MECOM: variants seen among roughly 807,000 people sequenced by gnomAD.
MECOM encodes MDS1 and EVI1 complex locus.
MECOM carries 13 observed loss-of-function variants against 116.3 expected under a neutral mutation model. That is an observed-to-expected ratio of 0.11 (90% CI 0.07 to 0.18). The LOEUF (loss-of-function observed/expected upper bound fraction) is 0.18, where lower values mean the gene tolerates loss of function less well. Ranked by LOEUF, MECOM falls within the 10% of genes least tolerant of loss-of-function variation. MECOM has a pLI of 1.00. For missense variants in MECOM, 1,299 were observed against 1,509.0 expected, an observed-to-expected ratio of 0.86 and a Z score of 2.31; for synonymous variants, 528 against 535.2, an observed-to-expected ratio of 0.99 and a Z score of 0.19.
chr3:169,322,379 C>A (rs543183759), intron 2 of MECOM, among the ~76,000 whole-genome samples: 48 of 152,232 alleles, frequency 3.2e-4, no homozygotes, highest in Non-Finnish European at 5.9e-4. Context: ...CACAAAGAGG[C>A]TCTAGGGCTT....
intron 1 of MECOM, among the ~76,000 whole-genome samples, chr3:169,527,034 C>T (rs1758042544): frequency 6.6e-6 from 1 of 152,184 alleles, no homozygotes; most frequent in Non-Finnish European, 1.5e-5. Context: ...CTAATGTGAG[C>T]TGTTAAGAAT....
chr3:169,163,406 C>T (rs1743129699), intron 2 of MECOM, among the ~76,000 whole-genome samples: 1 of 151,892 alleles, frequency 6.6e-6, no homozygotes, highest in Non-Finnish European at 1.5e-5. Flanking sequence ...CCTGGGTGAC[C>T]AATTAGCAAG....
intron 2 of MECOM, among the ~76,000 whole-genome samples, chr3:169,178,805 T>C (rs958630013): frequency 2.0e-5 from 3 of 152,234 alleles, no homozygotes; most frequent in Non-Finnish European, 4.4e-5. Context: ...CTCATAACTC[T>C]AAAGACTACA....
At chr3:169,491,063 G>A (rs1578251476) in intron 1 of MECOM, among the ~76,000 whole-genome samples, 1 of 152,024 alleles carries the variant, frequency 6.6e-6, no homozygotes, top group East Asian at 1.9e-4. Flanking sequence ...TCCTTACGTT[G>A]CCCAAACCAG....
At chr3:169,353,699 G>A (rs1257585141) in intron 2 of MECOM, among the ~76,000 whole-genome samples, 1 of 151,804 alleles carries the variant, frequency 6.6e-6, no homozygotes, top group Non-Finnish European at 1.5e-5. Context: ...TAATCATGAA[G>A]ATAACCTTAT....
intron 1 of MECOM, among the ~76,000 whole-genome samples, chr3:169,650,916 C>T (rs1320588719): frequency 6.6e-6 from 1 of 151,992 alleles, no homozygotes; most frequent in African/African-American, 2.4e-5. Flanking sequence ...GATCTTCTGC[C>T]TTTAAAAAGA....
chr3:169,325,286 G>C (rs1390960741), intron 2 of MECOM, among the ~76,000 whole-genome samples: 1 of 152,094 alleles, frequency 6.6e-6, no homozygotes, highest in African/African-American at 2.4e-5. Context: ...TTGGCTGGTG[G>C]GTTACTATTC....
intron 2 of MECOM, among the ~76,000 whole-genome samples, chr3:169,210,011 T>G (rs1750504317): frequency 6.6e-6 from 1 of 152,180 alleles, no homozygotes; most frequent in South Asian, 2.1e-4. Flanking sequence ...CACCATGGAA[T>G]GCTATGCAGC....
At chr3:169,189,967 T>C (rs1326469612) in intron 2 of MECOM, among the ~76,000 whole-genome samples, 1 of 151,868 alleles carries the variant, frequency 6.6e-6, no homozygotes, top group Non-Finnish European at 1.5e-5. Flanking sequence ...GTTTATGATA[T>C]CTGAACTCAT....
At chr3:169,623,508 AT>A (rs1186883839) in intron 1 of MECOM, among the ~76,000 whole-genome samples, 1 of 152,206 alleles carries the variant, frequency 6.6e-6, no homozygotes, top group East Asian at 1.9e-4. Context: ...ATATAGATTA[AT>A]GTTTGAAATA....
chr3:169,519,453 T>G (rs1757094302), intron 1 of MECOM, among the ~76,000 whole-genome samples: 1 of 152,230 alleles, frequency 6.6e-6, no homozygotes, highest in Non-Finnish European at 1.5e-5. Flanking sequence ...TGAACAGCTA[T>G]GTATAGTCAC....
intron 1 of MECOM, among the ~76,000 whole-genome samples, chr3:169,562,804 G>T (rs984660275): frequency 1.3e-5 from 2 of 152,168 alleles, no homozygotes; most frequent in African/African-American, 4.8e-5. Flanking sequence ...GCTCATGCCT[G>T]TAATCCCAGC....
In MECOM at chr3:169,276,220, C is replaced by A. The variant is rs1759549543; in HGVS notation, c.375+104967G>T. ...CCTTACATTTATTTTTAAAAATAAT[C>A]TTAACACACAAGTAATACGAGACTA... On this transcript the variant is annotated intron_variant, in intron 2 of 16. Coordinates refer to ENST00000651503, the MANE Select transcript of MECOM (RefSeq NM_004991.4). 2.0e-5 allele frequency among the ~76,000 whole-genome samples: 3 copies of A among 152,096 alleles called. No homozygotes were observed. The South Asian group carries it at 6.2e-4, about 32-fold the overall frequency.
Position 169,116,299 on chromosome 3 carries a change from G to C in MECOM, c.1573C>G (p.Gln525Glu). The C allele has an allele frequency of 1.2e-6, 2 of 1,614,224 alleles. No homozygotes were observed. The highest frequency in any genetic ancestry group is 1.7e-6 in the Non-Finnish European group (2 of 1,180,042). Reference sequence around the variant, plus strand: ...TGAGGATGTGTCATGAGGGGACTTTGACTTTTGTTTGTCTGTTCAGTACTT... The same window carrying C: ...TGAGGATGTGTCATGAGGGGACTTTCACTTTTGTTTGTCTGTTCAGTACTT... ...LSSTEQTNKS[Q>E]SPLMTHPQIL... Residue 525 changes from glutamine (Q) to glutamate (E), a missense_variant, in exon 8 of 17, where the codon CAA (glutamine) becomes GAA (glutamate). Gln to Glu is a conservative substitution (Grantham distance 29, BLOSUM62 2). Coordinates refer to ENST00000651503, the MANE Select transcript of MECOM (RefSeq NM_004991.4).
intron 1 of MECOM, among the ~76,000 whole-genome samples, chr3:169,407,557 C>T (rs1560233793): frequency 6.6e-6 from 1 of 152,134 alleles, no homozygotes; most frequent in Non-Finnish European, 1.5e-5. Context: ...AAAACTACAA[C>T]AAAATGTACT....
At chr3:169,517,459 A>C (rs1003667013) in intron 1 of MECOM, among the ~76,000 whole-genome samples, 9 of 152,212 alleles carry the variant, frequency 5.9e-5, no homozygotes, top group African/African-American at 2.2e-4. Context: ...GACGTTTTAG[A>C]CTATAAGGGG....
At chr3:169,590,349 A>T (rs571011160) in intron 1 of MECOM, among the ~76,000 whole-genome samples, 1 of 152,328 alleles carries the variant, frequency 6.6e-6, no homozygotes, top group East Asian at 1.9e-4. Flanking sequence ...CAACAGCAAG[A>T]GATATTTTGG....
chr3:169,606,435 G>T (rs1323322696), intron 1 of MECOM, among the ~76,000 whole-genome samples: 1 of 150,798 alleles, frequency 6.6e-6, no homozygotes, highest in African/African-American at 2.4e-5. Flanking sequence ...AAAAAGAAAT[G>T]AAAGAAATTA....
rs1731232121 is a variant in MECOM at position 169,122,112 on chromosome 3, C to A, written c.978+468G>T. On this transcript the variant is annotated intron_variant, in intron 6 of 16. Transcript: ENST00000651503. The stretch of plus-strand genomic sequence containing the variant: ...GAGGCTCTATACATTTTAATTAGAA[C>A]CAAGTCATAATTTATGGTGAGCCCT... Among the ~76,000 whole-genome samples, 5 of 152,224 alleles carry A rather than the reference C, an allele frequency of 3.3e-5. 1 individual carries two copies. In the South Asian group the frequency reaches 1.0e-3, roughly 32 times the overall value.
Sources: allele counts gnomAD v4.1 joint callset (sites outside exome capture counted in the v4.1 genomes callset), GRCh38; gene constraint gnomAD v4.1.1; transcripts MANE v1.5; gene names NCBI Gene and HGNC (gene_info 2026-07-23, HGNC 2026-07-21).